OR2Z1: variants seen among roughly 807,000 people sequenced by gnomAD.
OR2Z1 encodes the protein olfactory receptor 2Z1.
For missense variants in OR2Z1, 449 were observed against 401.8 expected (o/e 1.12, Z -1.00); for synonymous variants, 188 against 160.6 (o/e 1.17, Z -1.29).
chr19:8,729,091 T>TC, intron 2 of OR2Z1: 1 of 1,104,386 alleles, frequency 9.1e-7, no homozygotes, highest in Non-Finnish European at 1.3e-6. Flanking sequence ...ATGTGGGATC[T>TC]TTTTTTTAGT....
intron 2 of OR2Z1, among the ~76,000 whole-genome samples, chr19:8,730,234 T>G (rs2043346053): frequency 6.6e-6 from 1 of 152,188 alleles, no homozygotes; most frequent in African/African-American, 2.4e-5. Context: ...TTGCTTCAGA[T>G]TCTCATCCAC....
intron 2 of OR2Z1, among the ~76,000 whole-genome samples, chr19:8,729,628 T>C (rs773842444): frequency 2.8e-4 from 43 of 152,096 alleles, no homozygotes; most frequent in Non-Finnish European, 6.0e-4. Context: ...TTTGCTCTTG[T>C]TGCCCAGGCC....
intron 2 of OR2Z1, among the ~76,000 whole-genome samples, chr19:8,725,538 C>G (rs1160278112): frequency 1.3e-5 from 2 of 152,126 alleles, no homozygotes; most frequent in East Asian, 3.9e-4. Context: ...CCACTACGCC[C>G]AGCCAAACTC....
rs782637232 is a variant in OR2Z1 at position 8,728,848 on chromosome 19, C to T, written c.-169-2012C>T. ...ATCAGGGTGTTGACCTTGGCCACAT[C>T]CATGTCATAGAGCTACTTCACATGC... On this transcript the variant is annotated intron_variant, in intron 2 of 2. Coordinates refer to ENST00000641125, the MANE Select transcript of OR2Z1 (RefSeq NM_001004699.3). The T allele has an allele frequency of 1.6e-4, 102 of 640,798 alleles. No homozygotes were observed. The Middle Eastern group carries it at 4.6e-3, about 29-fold the overall frequency. The allele number at this position is 640,798 out of a possible 1,614,324, so 39.7% of individuals were successfully genotyped here. A position where few individuals can be genotyped will look rare whatever the true frequency, so the allele number is the denominator to read the frequency against.
intron 2 of OR2Z1, among the ~76,000 whole-genome samples, chr19:8,727,272 G>A (rs1599208337): frequency 6.6e-6 from 1 of 152,130 alleles, no homozygotes; most frequent in Non-Finnish European, 1.5e-5. Context: ...ATGCCATGAA[G>A]CAGCCACTTT....
At chr19:8,725,764 T>C (rs1030147763) in intron 2 of OR2Z1, among the ~76,000 whole-genome samples, 2 of 152,224 alleles carry the variant, frequency 1.3e-5, no homozygotes, top group Admixed American at 6.5e-5. Flanking sequence ...TATTCTTGCA[T>C]TGCTTTAAAG....
intron 2 of OR2Z1, among the ~76,000 whole-genome samples, chr19:8,729,795 G>T (rs1555756536): frequency 6.6e-6 from 1 of 152,022 alleles, no homozygotes; most frequent in Non-Finnish European, 1.5e-5. Context: ...TCTCCATGTT[G>T]GTCAGGCTGG....
intron 2 of OR2Z1, among the ~76,000 whole-genome samples, chr19:8,726,358 T>G (rs113317767): frequency 8.7e-4 from 133 of 152,220 alleles, no homozygotes; most frequent in African/African-American, 2.6e-3. Context: ...AGAAGCCACC[T>G]CCATGATCCA....
chr19:8,722,249 AATAAT>A (rs2043310544), intron 1 of OR2Z1, among the ~76,000 whole-genome samples: 1 of 149,830 alleles, frequency 6.7e-6, no homozygotes, highest in Non-Finnish European at 1.5e-5. Flanking sequence ...TATTAAATTA[AATAAT>A]ATAAGTGAAT....
chr19:8,731,671 G>C lies in OR2Z1; in HGVS notation c.643G>C (p.Ala215Pro). Residue 215 changes from alanine to proline, a missense_variant, in exon 3 of 3, where the codon GCC becomes CCC. Ala to Pro is a conservative substitution (Grantham distance 27, BLOSUM62 -1). Coordinates refer to ENST00000641125, the MANE Select transcript of OR2Z1 (RefSeq NM_001004699.3). The stretch of plus-strand genomic sequence containing the variant: ...CCTAATGCTCCCTCTTTCCCTCATC[G>C]CCACCTCCTACGGCCACGTGTTGCA... ...LILMLPLSLI[A>P]TSYGHVLQAV... 2 of 1,613,818 alleles carry C rather than the reference G, an allele frequency of 1.2e-6. No individual in the cohort carries two copies. Among genetic ancestry groups the C allele is most frequent in the Non-Finnish European group, 8.5e-7 (1 of 1,179,984 alleles).
At chr19:8,727,348 CT>C (rs1379210720) in intron 2 of OR2Z1, among the ~76,000 whole-genome samples, 2 of 152,184 alleles carry the variant, frequency 1.3e-5, no homozygotes, top group African/African-American at 4.8e-5. Flanking sequence ...GTTGAAAACT[CT>C]TCCTGGCTGT....
At position 8,731,725 on chromosome 19, in the gene OR2Z1, G is replaced by T. The variant is rs1555756827; in HGVS notation, c.697G>T (p.Ala233Ser). 6.2e-7 allele frequency: 1 copy of T among 1,614,188 alleles called. No individual in the cohort carries two copies. Among genetic ancestry groups the T allele is most frequent in the East Asian group, 2.2e-5 (1 of 44,882 alleles). The change falls in exon 3 of 3, where the codon GCC becomes TCC. Residue 233 changes from alanine to serine, a missense_variant. By Grantham distance (99) the Ala-to-Ser change is moderately conservative. Coordinates refer to ENST00000641125, the MANE Select transcript of OR2Z1 (RefSeq NM_001004699.3). ...TGTTCTAAGCATGCGCTCAGAGGAG[G>T]CCAGACACAAGGCTGTCACCACCTG... ...QAVLSMRSEE[A>S]RHKAVTTCSS...
At chr19:8,729,809 C>T (rs193290342) in intron 2 of OR2Z1, among the ~76,000 whole-genome samples, 25 of 152,110 alleles carry the variant, frequency 1.6e-4, no homozygotes, top group Non-Finnish European at 2.8e-4. Context: ...AGGCTGGTCT[C>T]GAACTCCTGA....
rs782044977 is a variant in OR2Z1 at position 8,731,002 on chromosome 19, C to T, written c.-27C>T. 3.2e-6 allele frequency: 5 copies of T among 1,581,630 alleles called. No individual in the cohort carries two copies. Among genetic ancestry groups the T allele is most frequent in the Non-Finnish European group, 4.3e-6 (5 of 1,153,304 alleles). On this transcript the variant is annotated 5_prime_UTR_variant, in exon 3 of 3. Transcript: ENST00000641125. ...TCTTGCCATAGTTCAGCTGTTCTTC[C>T]TGCAGCTAAAGTGCATTGTGTAAAA... is the stretch of plus-strand genomic sequence containing the variant.
Position 8,731,017 on chromosome 19 carries a change from A to G in OR2Z1, c.-12A>G. On this transcript the variant is annotated 5_prime_UTR_variant, in exon 3 of 3. Transcript: ENST00000641125. ...GCTGTTCTTCCTGCAGCTAAAGTGC[A>G]TTGTGTAAAACATGGGGGATGTGAA... The G allele has an allele frequency of 6.2e-7, 1 of 1,609,464 alleles. No homozygotes were observed. Among genetic ancestry groups the G allele is most frequent in the East Asian group, 2.2e-5 (1 of 44,840 alleles).
chr19:8,724,006 G>GTGTGTT (rs1228567527), intron 2 of OR2Z1, among the ~76,000 whole-genome samples: 2 of 120,524 alleles, frequency 1.7e-5, no homozygotes, highest in Admixed American at 1.5e-4. Flanking sequence ...GTGTGTGTGT[G>GTGTGTT]TGTGTATGTG....
chr19:8,726,872 A>C (rs1599208197), intron 2 of OR2Z1, among the ~76,000 whole-genome samples: 1 of 152,122 alleles, frequency 6.6e-6, no homozygotes, highest in East Asian at 1.9e-4. Flanking sequence ...CTTGCTCTTA[A>C]ATGATCAGTC....
intron 2 of OR2Z1, chr19:8,728,914 A>G (rs1555756426): frequency 1.5e-6 from 1 of 666,524 alleles, no homozygotes; most frequent in East Asian, 3.2e-5. Context: ...TCCACAATGA[A>G]CGAAAGTGTG....
chr19:8,725,241 T>C (rs1387292689), intron 2 of OR2Z1, among the ~76,000 whole-genome samples: 1 of 152,054 alleles, frequency 6.6e-6, no homozygotes, highest in Non-Finnish European at 1.5e-5. Context: ...TACATCTTTG[T>C]TTTTCTTTTA....
Sources: gnomAD v4.1 joint callset for allele counts (sites outside exome capture counted in the v4.1 genomes callset) on GRCh38, gnomAD v4.1.1 for gene constraint, MANE v1.5 for transcripts, NCBI Gene and HGNC (gene_info 2026-07-23, HGNC 2026-07-21) for gene names.